Variants in SLC7A9 observed in about 807,000 individuals in gnomAD.
SLC7A9 encodes the protein B(0,+)-type amino acid transporter 1.
In SLC7A9, 38 loss-of-function variants were observed where a neutral mutation model predicts 54.1. The observed-to-expected ratio is 0.70, with a 90% CI of 0.54 to 0.92. The LOEUF (loss-of-function observed/expected upper bound fraction) is 0.92. Ranked by LOEUF, SLC7A9 falls within the 40% of genes least tolerant of loss-of-function variation. The pLI, the probability that SLC7A9 is intolerant of heterozygous loss-of-function variation, is 0.00. For missense variants in SLC7A9, 537 were observed against 636.1 expected, an observed-to-expected ratio of 0.84 and a Z score of 1.68; for synonymous variants, 264 against 258.9, an observed-to-expected ratio of 1.02 and a Z score of -0.19.
chr19:32,833,452 A>G (rs889820937), intron 11 of SLC7A9, 129 bp from the exon 12 acceptor site: 2 of 935,034 alleles, frequency 2.1e-6, no homozygotes, highest in East Asian at 2.6e-5. Context: ...TTTTAATGTA[A>G]TTTTGCCAAT....
At chr19:32,846,679 C>A (rs1968306204) in intron 9 of SLC7A9, among the ~76,000 whole-genome samples, 1 of 152,206 alleles carries the variant, frequency 6.6e-6, no homozygotes, top group African/African-American at 2.4e-5. Flanking sequence ...TGTGGTTCTC[C>A]CAGCACACAG....
chr19:32,864,163 A>G lies in SLC7A9; in HGVS notation c.411T>C (p.Cys137=), dbSNP rs12150890. Reference sequence around the variant, plus strand: ...GCTTGCAGCCCACATAGAAGGGCGCACACACATACTCGGAGAAGCTGAGGC... The same window carrying G: ...GCTTGCAGCCCACATAGAAGGGCGCGCACACATACTCGGAGAAGCTGAGGC... ...IICLSFSEYV[C]APFYVGCKPP... Residue 137 remains cysteine (C), a synonymous_variant, in exon 4 of 13, where the codon TGT becomes TGC. Transcript: ENST00000023064. 0.13 allele frequency: 206,597 copies of G among 1,613,792 alleles called. 14,391 individuals are homozygous for G. The highest frequency in any genetic ancestry group is 0.15 in the Middle Eastern group (911 of 6,062).
chr19:32,839,659 A>G (rs1968074789), intron 11 of SLC7A9, among the ~76,000 whole-genome samples: 1 of 152,106 alleles, frequency 6.6e-6, no homozygotes, highest in South Asian at 2.1e-4. Context: ...GGGTATAAGA[A>G]TCTGGCTTAC....
At chr19:32,863,175 A>G (rs1208676246) in intron 4 of SLC7A9, 1 of 152,596 alleles carries the variant, frequency 6.6e-6, no homozygotes, top group Admixed American at 6.5e-5. Flanking sequence ...GCAATGGCAC[A>G]GTCTCAGCTA....
At chr19:32,842,659 C>T (rs569091332) in intron 10 of SLC7A9, among the ~76,000 whole-genome samples, 2 of 149,842 alleles carry the variant, frequency 1.3e-5, no homozygotes, top group South Asian at 2.1e-4. Context: ...GTCACCCAGG[C>T]TCGAATGCAG....
chr19:32,842,473 G>C (rs1217473170), intron 10 of SLC7A9, among the ~76,000 whole-genome samples, 156 bp from the exon 11 acceptor site: 1 of 152,138 alleles, frequency 6.6e-6, no homozygotes, highest in African/African-American at 2.4e-5. Flanking sequence ...CCTGACTTTG[G>C]CTATGATAGC....
At chr19:32,851,090 A>G (rs1404595537) in intron 9 of SLC7A9, among the ~76,000 whole-genome samples, 2 of 152,214 alleles carry the variant, frequency 1.3e-5, no homozygotes, top group Non-Finnish European at 2.9e-5. Flanking sequence ...AACCTAGGCA[A>G]TAACATTCAG....
chr19:32,859,168 C>T (rs1040306859), intron 8 of SLC7A9, among the ~76,000 whole-genome samples: 2 of 152,006 alleles, frequency 1.3e-5, no homozygotes, highest in African/African-American at 2.4e-5. Flanking sequence ...GGCGTGATCA[C>T]GTCTCACTGT....
At chr19:32,855,961 C>T (rs1968615442) in intron 9 of SLC7A9, among the ~76,000 whole-genome samples, 1 of 152,130 alleles carries the variant, frequency 6.6e-6, no homozygotes, top group Non-Finnish European at 1.5e-5. Context: ...ACCACCAGCC[C>T]AGATAGTTGT....
At chr19:32,857,511 C>T (rs1031757618) in intron 9 of SLC7A9, among the ~76,000 whole-genome samples, 3 of 152,090 alleles carry the variant, frequency 2.0e-5, no homozygotes, top group Non-Finnish European at 4.4e-5. Flanking sequence ...CTAGCCAAAA[C>T]GCTTTTGACA....
chr19:32,856,882 G>A (rs1188821705), intron 9 of SLC7A9, among the ~76,000 whole-genome samples: 1 of 152,108 alleles, frequency 6.6e-6, no homozygotes, highest in African/African-American at 2.4e-5. Context: ...GCCGGGTGTG[G>A]TGGCTCACAC....
At chr19:32,852,905 C>CTTTTTT (rs56119122) in intron 9 of SLC7A9, among the ~76,000 whole-genome samples, 2 of 97,592 alleles carry the variant, frequency 2.0e-5, no homozygotes, top group Non-Finnish European at 3.8e-5. Flanking sequence ...AAGCTATAAA[C>CTTTTTT]TTTTTTTTTT....
rs908583633 is a variant in SLC7A9, at chr19:32,859,856, G to C, written c.858C>G (p.Ser286=). 1.9e-6 allele frequency: 3 copies of C among 1,613,678 alleles called. No individual in the cohort carries two copies. In the African/African-American group the frequency reaches 4.0e-5, roughly 22 times the overall value. Residue 286 remains serine, a synonymous_variant, in exon 8 of 13, where the codon TCC becomes TCG. Transcript: ENST00000023064. ...GGGCACTCACCACAGCCACCGCCTG[G>C]GACTGCAGGAGTTCGGTGGCAGTCA... ...TVMTATELLQ[S]QAVAVTFGDR...
chr19:32,837,789 G>C (rs1968007731), intron 11 of SLC7A9, among the ~76,000 whole-genome samples: 1 of 152,150 alleles, frequency 6.6e-6, no homozygotes, highest in African/African-American at 2.4e-5. Flanking sequence ...AATGTAACTT[G>C]AAACTTTTAT....
chr19:32,842,040 A>G, intron 11 of SLC7A9, 128 bp downstream of exon 11: 1 of 935,718 alleles, frequency 1.1e-6, no homozygotes, highest in Admixed American at 2.0e-5. Context: ...ACTCCACTCT[A>G]AAATACGATA....
At chr19:32,853,357 G>A (rs1004936610) in intron 9 of SLC7A9, among the ~76,000 whole-genome samples, 1 of 152,180 alleles carries the variant, frequency 6.6e-6, no homozygotes, top group African/African-American at 2.4e-5. Context: ...TCTAGAATTG[G>A]ATTGTGATGT....
chr19:32,858,203 G>T (rs1290728349), intron 9 of SLC7A9, among the ~76,000 whole-genome samples: 2 of 152,196 alleles, frequency 1.3e-5, no homozygotes, highest in African/African-American at 2.4e-5. Flanking sequence ...GGAGTGGAAA[G>T]GCTGAGATTC....
At chr19:32,831,487 C>T (rs1382835239) in intron 12 of SLC7A9, among the ~76,000 whole-genome samples, 1 of 152,042 alleles carries the variant, frequency 6.6e-6, no homozygotes, top group Admixed American at 6.6e-5. Context: ...GACGGGGTTT[C>T]ACCGTGTTAG....
intron 11 of SLC7A9, among the ~76,000 whole-genome samples, chr19:32,836,456 G>A (rs770293230): frequency 1.3e-5 from 2 of 152,146 alleles, no homozygotes; most frequent in Non-Finnish European, 2.9e-5. Context: ...TAAAGAGAGA[G>A]AATGTTATTT....
Sources: gnomAD v4.1 joint callset for allele counts (sites outside exome capture counted in the v4.1 genomes callset) on GRCh38, gnomAD v4.1.1 for gene constraint, MANE v1.5 for transcripts, NCBI Gene and HGNC (gene_info 2026-07-23, HGNC 2026-07-21) for gene names.